AIFM1: variants seen among roughly 807,000 people sequenced by gnomAD.
AIFM1 encodes apoptosis-inducing factor 1, mitochondrial.
Under a neutral mutation model 51.7 loss-of-function variants are expected in AIFM1, and 3 were observed. The observed-to-expected ratio is 0.06, with a 90% CI of 0.03 to 0.15. The LOEUF (loss-of-function observed/expected upper bound fraction) is 0.15. Ranked by LOEUF, AIFM1 falls within the 10% of genes least tolerant of loss-of-function variation. The pLI is 1.00. For synonymous variants in AIFM1, 178 were observed against 179.4 expected, an observed-to-expected ratio of 0.99 and a Z score of 0.06; for missense variants, 330 against 476.8, an observed-to-expected ratio of 0.69 and a Z score of 2.87.
At chrX:130,153,309 C>T (rs1000180109) in intron 2 of AIFM1, among the ~76,000 whole-genome samples, 2 of 97,173 alleles carry the variant, frequency 2.1e-5, no homozygotes, top group South Asian at 5.4e-4. Context: ...GCCGAGATCG[C>T]GCCACTGCAC....
intron 4 of AIFM1, 64 bp downstream of exon 4, chrX:130,147,688 T>C: frequency 8.3e-7 from 1 of 1,211,663 alleles, no homozygotes; most frequent in Non-Finnish European, 1.1e-6. Context: ...TGTCAAAGCA[T>C]TCACATTAGC....
At chrX:130,155,710 T>C (rs983513273) in intron 2 of AIFM1, among the ~76,000 whole-genome samples, 1 of 111,649 alleles carries the variant, frequency 9.0e-6, no homozygotes, top group Non-Finnish European at 1.9e-5. Context: ...CAATCAAGGG[T>C]GTTACTAGGT....
intron 2 of AIFM1, among the ~76,000 whole-genome samples, chrX:130,151,035 C>G (rs188076915): frequency 0.013 from 1,418 of 107,407 alleles, 15 homozygotes; most frequent in Non-Finnish European, 0.019. Context: ...TTTTGTACCC[C>G]ACAGGGTCAA....
chrX:130,129,741 G>C lies in AIFM1; in HGVS notation c.1771-113C>G, dbSNP rs183493819. On this transcript the variant is annotated intron_variant, in intron 15 of 15. Coordinates refer to ENST00000287295, the MANE Select transcript of AIFM1 (RefSeq NM_004208.4). ...CCATATCACACTGGGAGGGAGTTGT[G>C]GGAACAGTTCTCTACTAACCCCAAA... The C allele has an allele frequency of 3.4e-5, 28 of 813,337 alleles. 1 individual carries two copies. The Admixed American group carries it at 6.5e-4, about 19-fold the overall frequency. The allele number at this position is 813,337 out of a possible 1,213,427, so 67.0% of individuals were successfully genotyped here.
intron 2 of AIFM1, among the ~76,000 whole-genome samples, chrX:130,153,910 G>T (rs1022605675): frequency 1.8e-5 from 2 of 112,048 alleles, no homozygotes; most frequent in Non-Finnish European, 3.8e-5. Flanking sequence ...GGCAGCCCAA[G>T]AAACTAATAC....
intron 2 of AIFM1, among the ~76,000 whole-genome samples, chrX:130,150,485 G>A (rs538237420): frequency 2.0e-5 from 2 of 101,904 alleles, no homozygotes; most frequent in South Asian, 9.3e-4. Context: ...ACAGGCGCCC[G>A]CCACTATGCC....
In AIFM1 at chrX:130,156,401, T is replaced by C. The variant is rs751888489; in HGVS notation, c.249+60A>G. The C allele has an allele frequency of 2.0e-5, 24 of 1,191,438 alleles. No individual in the cohort carries two copies. The East Asian group carries it at 5.9e-4, about 29-fold the overall frequency. ...GCAAAAGTTTTAAAGCAGAATACTA[T>C]CGAGTCTATTAATGGGAGCTGTTTG... On this transcript the variant is annotated intron_variant, in intron 2 of 15. Coordinates refer to ENST00000287295, the MANE Select transcript of AIFM1 (RefSeq NM_004208.4).
intron 12 of AIFM1, 106 bp downstream of exon 12, chrX:130,135,939 G>A: frequency 2.9e-6 from 3 of 1,046,992 alleles, no homozygotes; most frequent in Non-Finnish European, 4.0e-6. Context: ...CAAACACTCT[G>A]ACCCTATTTG....
At position 130,145,463 on chromosome X, in the gene AIFM1, C is replaced by T. The variant is rs748492632; in HGVS notation, c.696+16G>A. 7.3e-5 allele frequency: 85 copies of T among 1,172,273 alleles called. No individual in the cohort carries two copies. The highest frequency in any genetic ancestry group is 8.4e-5 in the Non-Finnish European group (72 of 861,411). On this transcript the variant is annotated intron_variant, in intron 6 of 15. Coordinates refer to ENST00000287295, the MANE Select transcript of AIFM1 (RefSeq NM_004208.4). ...AGTACGTAGAGCCTGACAAAAGAAG[C>T]GGTCTACTAGCTCACCTTCTTCCCA... is the stretch of plus-strand genomic sequence containing the variant.
intron 9 of AIFM1, 179 bp from the exon 10 acceptor site, chrX:130,137,364 T>C: frequency 1.7e-6 from 2 of 1,154,867 alleles, no homozygotes; most frequent in South Asian, 3.9e-5. Context: ...AGTTCATTTG[T>C]AACGCAAATA....
intron 6 of AIFM1, among the ~76,000 whole-genome samples, chrX:130,141,407 A>G (rs2030575532): frequency 8.9e-6 from 1 of 111,871 alleles, no homozygotes; most frequent in South Asian, 3.8e-4. Context: ...CCTTTCTTAT[A>G]TGGCTGTTTG....
intron 1 of AIFM1, among the ~76,000 whole-genome samples, chrX:130,158,736 CAA>C (rs894279935): frequency 1.3e-5 from 1 of 79,265 alleles, no homozygotes; most frequent in Non-Finnish European, 2.5e-5. Context: ...AAAAAAATCG[CAA>C]AAAAATCTCA....
chrX:130,130,533 A>G (rs1280475616), intron 14 of AIFM1, among the ~76,000 whole-genome samples: 7 of 112,617 alleles, frequency 6.2e-5, no homozygotes, highest in African/African-American at 2.3e-4. Flanking sequence ...TGGTCCAAAT[A>G]CAGTAGCCAC....
chrX:130,163,032 G>A (rs779463127), intron 1 of AIFM1, among the ~76,000 whole-genome samples: 3 of 111,671 alleles, frequency 2.7e-5, no homozygotes, highest in Non-Finnish European at 5.6e-5. Flanking sequence ...AGATGTCAAC[G>A]AGATAGTTGC....
intron 13 of AIFM1, 92 bp from the exon 14 acceptor site, chrX:130,131,891 G>C: frequency 1.0e-6 from 1 of 979,483 alleles, no homozygotes; most frequent in Non-Finnish European, 1.4e-6. Context: ...TTTTTTTTTT[G>C]AGACGGAGTT....
chrX:130,134,015 G>A (rs2030219765), intron 12 of AIFM1, among the ~76,000 whole-genome samples: 1 of 110,617 alleles, frequency 9.0e-6, no homozygotes, highest in African/African-American at 3.3e-5. Context: ...GACCAAGGTG[G>A]GTGGATCACA....
At chrX:130,155,152 T>G (rs761653503) in intron 2 of AIFM1, 2 of 1,211,300 alleles carry the variant, frequency 1.7e-6, no homozygotes, top group South Asian at 3.5e-5. Context: ...TGTAAGCATC[T>G]TACATAATAA....
intron 2 of AIFM1, among the ~76,000 whole-genome samples, chrX:130,150,271 A>C (rs922950467): frequency 1.9e-5 from 2 of 105,471 alleles, no homozygotes; most frequent in Non-Finnish European, 1.9e-5. Flanking sequence ...TTTTACCATT[A>C]TGACCAGTTG....
chrX:130,136,818 C>T (rs759655266), intron 10 of AIFM1, 87 bp from the exon 11 acceptor site: 23 of 1,058,846 alleles, frequency 2.2e-5, no homozygotes, highest in East Asian at 6.1e-5. Flanking sequence ...GTCTCCTCCA[C>T]GGTAAAACCA....
Sources: gnomAD v4.1 joint callset for allele counts (sites outside exome capture counted in the v4.1 genomes callset) on GRCh38, gnomAD v4.1.1 for gene constraint, MANE v1.5 for transcripts, NCBI Gene and HGNC (gene_info 2026-07-23, HGNC 2026-07-21) for gene names.